The following SGK3 variants were observed in gnomAD, a reference collection of about 807,000 sequenced individuals.
SGK3 encodes the protein serine/threonine-protein kinase Sgk3.
A neutral mutation model predicts 68.5 loss-of-function variants in SGK3; 47 were observed. The ratio of observed to expected loss-of-function variants is 0.69; its 90% CI spans 0.54 to 0.87. SGK3 has a LOEUF of 0.87. SGK3 is among the 40% of genes least tolerant of loss of function. The probability of loss-of-function intolerance (pLI) is 0.00; values close to 1 mark genes in which losing one functional copy is unlikely to be tolerated. For synonymous variants in SGK3, 181 were observed against 189.1 expected, an observed-to-expected ratio of 0.96 and a Z score of 0.35; for missense variants, 479 against 575.5, an observed-to-expected ratio of 0.83 and a Z score of 1.72.
At chr8:66,772,410 T>C (rs1414989670) in intron 1 of SGK3, among the ~76,000 whole-genome samples, 1 of 151,618 alleles carries the variant, frequency 6.6e-6, no homozygotes, top group African/African-American at 2.4e-5. Context: ...TTTTTTTTTT[T>C]TTGAGGCAGG....
At chr8:66,720,512 G>A (rs1217863851) in intron 1 of SGK3, among the ~76,000 whole-genome samples, 1 of 152,132 alleles carries the variant, frequency 6.6e-6, no homozygotes, top group South Asian at 2.1e-4. Flanking sequence ...GCTCACGCCT[G>A]TAATCCCAGC....
chr8:66,781,858 G>T (rs897052643), intron 1 of SGK3, among the ~76,000 whole-genome samples: 1 of 152,212 alleles, frequency 6.6e-6, no homozygotes, highest in Non-Finnish European at 1.5e-5. Flanking sequence ...AATCAAAGAT[G>T]GGGGTGGAGT....
chr8:66,840,185 G>A, intron 11 of SGK3, 26 bp from the exon 12 acceptor site: 1 of 1,596,330 alleles, frequency 6.3e-7, no homozygotes, highest in Non-Finnish European at 8.5e-7. Context: ...ATTCAGTTTT[G>A]CGTTTCTTTC....
chr8:66,831,441 G>C, intron 8 of SGK3, 130 bp downstream of exon 8: 1 of 1,099,582 alleles, frequency 9.1e-7, no homozygotes, highest in Non-Finnish European at 1.3e-6. Flanking sequence ...CTGGGCTCAA[G>C]CCATCCTCCC....
At chr8:66,721,401 T>C (rs1804790576) in intron 1 of SGK3, among the ~76,000 whole-genome samples, 1 of 152,232 alleles carries the variant, frequency 6.6e-6, no homozygotes, top group Non-Finnish European at 1.5e-5. Flanking sequence ...AAAAGTTCTG[T>C]CTTTTCTCTA....
At chr8:66,720,408 A>G (rs1804762055) in intron 1 of SGK3, among the ~76,000 whole-genome samples, 1 of 152,294 alleles carries the variant, frequency 6.6e-6, no homozygotes. Flanking sequence ...TGAGGTGGGC[A>G]GATCGCTTGA....
At chr8:66,757,756 A>T (rs929636090) in intron 1 of SGK3, among the ~76,000 whole-genome samples, 1 of 151,062 alleles carries the variant, frequency 6.6e-6, no homozygotes, top group African/African-American at 2.4e-5. Flanking sequence ...CTCTACTAAA[A>T]CTACAAAAAT....
chr8:66,716,902 T>C (rs1189045823), intron 1 of SGK3, among the ~76,000 whole-genome samples: 1 of 152,016 alleles, frequency 6.6e-6, no homozygotes, highest in East Asian at 1.9e-4. Flanking sequence ...TGGCAGATAA[T>C]TAAAATGTAG....
At chr8:66,715,484 C>G (rs1307680154) in intron 1 of SGK3, among the ~76,000 whole-genome samples, 1 of 152,170 alleles carries the variant, frequency 6.6e-6, no homozygotes, top group East Asian at 1.9e-4. Context: ...TATCAAACCC[C>G]TGACATGATC....
intron 2 of SGK3, among the ~76,000 whole-genome samples, chr8:66,798,318 T>C (rs1424230352): frequency 6.6e-6 from 1 of 152,092 alleles, no homozygotes; most frequent in Non-Finnish European, 1.5e-5. Context: ...AAGAATACCA[T>C]TTGACAAGAT....
intron 1 of SGK3, among the ~76,000 whole-genome samples, chr8:66,747,043 T>C (rs1437961761): frequency 1.3e-5 from 2 of 151,966 alleles, no homozygotes; most frequent in African/African-American, 4.8e-5. Context: ...TTAAATTGCC[T>C]TTTAGAATTT....
At chr8:66,758,026 A>AAC (rs1220295857) in intron 1 of SGK3, among the ~76,000 whole-genome samples, 10 of 150,320 alleles carry the variant, frequency 6.7e-5, no homozygotes, top group Non-Finnish European at 1.3e-4. Context: ...ACACACACAC[A>AAC]CACACACACA....
At chr8:66,774,928 T>C (rs1389121122) in intron 1 of SGK3, among the ~76,000 whole-genome samples, 1 of 151,920 alleles carries the variant, frequency 6.6e-6, no homozygotes, top group Admixed American at 6.6e-5. Flanking sequence ...CTGGGGAGAG[T>C]GCCTTCTCAT....
intron 15 of SGK3, among the ~76,000 whole-genome samples, chr8:66,849,593 AT>A (rs755457958): frequency 0.018 from 2,231 of 122,774 alleles, 37 homozygotes; most frequent in African/African-American, 0.039. Context: ...TTGGGGGAAT[AT>A]TTTTTTTTTT....
chr8:66,854,571 T>G (rs186781835), intron 16 of SGK3, among the ~76,000 whole-genome samples: 49 of 152,188 alleles, frequency 3.2e-4, no homozygotes, highest in Non-Finnish European at 7.4e-5. Flanking sequence ...AAGAAAATAT[T>G]CATTTCTGGG....
At position 66,792,030 on chromosome 8, in the gene SGK3, C is replaced by T. The variant is rs556396094; in HGVS notation, c.-121-1586C>T. Among the ~76,000 whole-genome samples, 3 of 152,196 alleles carry T rather than the reference C, an allele frequency of 2.0e-5. No individual in the cohort carries two copies. The East Asian group carries it at 5.8e-4, about 29-fold the overall frequency. On this transcript the variant is annotated intron_variant, in intron 1 of 16. Transcript: ENST00000521198. ...TATGTTCTAACAACTAATTCAGCTA[C>T]GTAGAAATCTTTCTGACTGCTGGGC...
intron 1 of SGK3, among the ~76,000 whole-genome samples, chr8:66,752,497 C>A (rs1415777305): frequency 6.6e-6 from 1 of 151,824 alleles, no homozygotes; most frequent in East Asian, 1.9e-4. Context: ...GGAATACCCC[C>A]TATGTAGCAG....
chr8:66,724,052 C>T (rs928889282), intron 1 of SGK3, among the ~76,000 whole-genome samples: 2 of 152,154 alleles, frequency 1.3e-5, no homozygotes, highest in Non-Finnish European at 2.9e-5. Context: ...TTATTTCTGA[C>T]TTTTGCTAAC....
chr8:66,715,188 T>A (rs1804596437), intron 1 of SGK3, among the ~76,000 whole-genome samples: 1 of 152,232 alleles, frequency 6.6e-6, no homozygotes, highest in Non-Finnish European at 1.5e-5. Context: ...ACCTTTTTTC[T>A]CTAGTTTTGA....
Sources: gnomAD v4.1 joint callset for allele counts (sites outside exome capture counted in the v4.1 genomes callset) on GRCh38, gnomAD v4.1.1 for gene constraint, MANE v1.5 for transcripts, NCBI Gene and HGNC (gene_info 2026-07-23, HGNC 2026-07-21) for gene names.